Variants in RNF13 observed in about 807,000 individuals in gnomAD.
The protein encoded by RNF13 is E3 ubiquitin-protein ligase RNF13.
A neutral mutation model predicts 37.7 loss-of-function variants in RNF13; 19 were observed. The ratio of observed to expected loss-of-function variants is 0.50; its 90% CI spans 0.35 to 0.74. RNF13 has a LOEUF of 0.74. Ranked by LOEUF, RNF13 falls within the 30% of genes least tolerant of loss-of-function variation. The probability of loss-of-function intolerance (pLI) is 0.01; values close to 1 mark genes in which losing one functional copy is unlikely to be tolerated. For synonymous variants in RNF13, 144 were observed against 157.8 expected, an observed-to-expected ratio of 0.91 and a Z score of 0.65; for missense variants, 375 against 453.0, an observed-to-expected ratio of 0.83 and a Z score of 1.56.
At chr3:149,836,268 C>A (rs912282577) in intron 1 of RNF13, among the ~76,000 whole-genome samples, 1 of 151,670 alleles carries the variant, frequency 6.6e-6, no homozygotes, top group African/African-American at 2.4e-5. Flanking sequence ...CCAAGCAACC[C>A]AATTAAAAAA....
chr3:149,919,964 T>C (rs1033480348), intron 7 of RNF13, among the ~76,000 whole-genome samples: 1 of 152,230 alleles, frequency 6.6e-6, no homozygotes, highest in Non-Finnish European at 1.5e-5. Context: ...TTATAGTATT[T>C]ATGATTTGAA....
intron 8 of RNF13, among the ~76,000 whole-genome samples, chr3:149,957,854 G>A (rs1166181923): frequency 6.6e-6 from 1 of 152,094 alleles, no homozygotes; most frequent in Non-Finnish European, 1.5e-5. Context: ...CTAATAAAAG[G>A]ACCAGGATGG....
chr3:149,905,320 A>G (rs1431315177), intron 6 of RNF13, among the ~76,000 whole-genome samples: 1 of 152,042 alleles, frequency 6.6e-6, no homozygotes, highest in Non-Finnish European at 1.5e-5. Flanking sequence ...TTTCATGTGT[A>G]TTTCTCTTAT....
At chr3:149,949,639 C>CT (rs1721118486) in intron 8 of RNF13, among the ~76,000 whole-genome samples, 1 of 151,516 alleles carries the variant, frequency 6.6e-6, no homozygotes, top group South Asian at 2.1e-4. Context: ...CCCTTTCTTT[C>CT]TTCTCCTTCT....
In RNF13 at chr3:149,824,570, A is replaced by G. The variant is rs190090678; in HGVS notation, c.-17+11217A>G. On this transcript the variant is annotated intron_variant, in intron 1 of 9. Coordinates refer to ENST00000392894, the MANE Select transcript of RNF13 (RefSeq NM_183381.3). ...TTGTTGTATAATGTAAAACATTTTCATTTAAAAACATACATGAATAATATC... is the reference window on the plus strand; with the variant it reads ...TTGTTGTATAATGTAAAACATTTTCGTTTAAAAACATACATGAATAATATC... Among the ~76,000 whole-genome samples the G allele has an allele frequency of 2.6e-5, 4 of 152,350 alleles. No homozygotes were observed. The East Asian group carries it at 7.7e-4, about 29-fold the overall frequency.
chr3:149,851,876 CTTTTG>C (rs993729772), intron 2 of RNF13, among the ~76,000 whole-genome samples: 30 of 152,152 alleles, frequency 2.0e-4, no homozygotes, highest in Admixed American at 3.9e-4. Flanking sequence ...GCACAAAGAA[CTTTTG>C]TTTTGTTTTG....
rs1576591929 is a variant in RNF13 at position 149,950,470 on chromosome 3, AACC to A, written c.701-9585_701-9583del. 3.9e-5 allele frequency among the ~76,000 whole-genome samples: 6 copies of A among 152,184 alleles called. 1 individual carries two copies. In the East Asian group the frequency reaches 1.2e-3, roughly 29 times the overall value. On this transcript the variant is annotated intron_variant, in intron 8 of 9. Coordinates refer to ENST00000392894, the MANE Select transcript of RNF13 (RefSeq NM_183381.3). Reference sequence around the variant, plus strand: ...TTCTATAGTTTTATAATTATATCTGAACCTTTTTTTAAAATTAGGACAGAGCGA... The same window carrying A: ...TTCTATAGTTTTATAATTATATCTGATTTTTTTAAAATTAGGACAGAGCGA...
chr3:149,833,030 C>A (rs1036343050), intron 1 of RNF13, among the ~76,000 whole-genome samples: 4 of 151,626 alleles, frequency 2.6e-5, no homozygotes, highest in Non-Finnish European at 5.9e-5. Flanking sequence ...TTCTAAGGGG[C>A]CAAAATTACC....
At chr3:149,824,985 A>G (rs183406877) in intron 1 of RNF13, among the ~76,000 whole-genome samples, 21 of 151,034 alleles carry the variant, frequency 1.4e-4, no homozygotes, top group Non-Finnish European at 2.8e-4. Flanking sequence ...TTTAAGATAC[A>G]AAGTCTTTCC....
chr3:149,939,943 G>A (rs982987655), intron 8 of RNF13: 1 of 271,948 alleles, frequency 3.7e-6, no homozygotes, highest in Non-Finnish European at 7.1e-6. Context: ...AATATAGCTG[G>A]TCTTATTTTT....
At chr3:149,938,325 A>G (rs1319454154) in intron 8 of RNF13, among the ~76,000 whole-genome samples, 2 of 151,776 alleles carry the variant, frequency 1.3e-5, no homozygotes, top group African/African-American at 2.4e-5. Flanking sequence ...CTATAGGTGC[A>G]GACCACCATG....
At chr3:149,895,450 T>A in intron 4 of RNF13, 23 bp from the exon 5 acceptor site, 1 of 1,138,820 alleles carries the variant, frequency 8.8e-7, no homozygotes, top group Non-Finnish European at 1.2e-6. Flanking sequence ...ACATAATTTT[T>A]TTTTTTTTTT....
chr3:149,832,480 C>T (rs1939692191), intron 1 of RNF13, among the ~76,000 whole-genome samples: 1 of 151,970 alleles, frequency 6.6e-6, no homozygotes. Context: ...TTTCAGTGAC[C>T]AGCATTAGAC....
intron 8 of RNF13, among the ~76,000 whole-genome samples, chr3:149,949,242 C>T (rs558501705): frequency 2.6e-5 from 4 of 152,006 alleles, no homozygotes; most frequent in Non-Finnish European, 4.4e-5. Context: ...GATAAACTCC[C>T]TCAATTTTTA....
chr3:149,958,363 T>G (rs1722062674), intron 8 of RNF13, among the ~76,000 whole-genome samples: 1 of 152,188 alleles, frequency 6.6e-6, no homozygotes, highest in African/African-American at 2.4e-5. Context: ...GTGACCCTTC[T>G]TCCCCCTATC....
intron 1 of RNF13, among the ~76,000 whole-genome samples, chr3:149,820,537 G>A (rs938367027): frequency 2.0e-5 from 3 of 152,082 alleles, no homozygotes; most frequent in Admixed American, 1.3e-4. Context: ...TACTTTATTT[G>A]CATACTTACT....
At chr3:149,866,429 A>G (rs1724827700) in intron 3 of RNF13, among the ~76,000 whole-genome samples, 1 of 152,218 alleles carries the variant, frequency 6.6e-6, no homozygotes, top group Admixed American at 6.5e-5. Context: ...TGTAGCAGTG[A>G]GGAAGACCAG....
At chr3:149,923,220 A>G (rs1342430497) in intron 8 of RNF13, among the ~76,000 whole-genome samples, 1 of 152,162 alleles carries the variant, frequency 6.6e-6, no homozygotes, top group African/African-American at 2.4e-5. Flanking sequence ...AGTGATTTAC[A>G]TTATCATTAT....
chr3:149,841,296 A>T (rs1722154003), intron 1 of RNF13, among the ~76,000 whole-genome samples: 1 of 152,222 alleles, frequency 6.6e-6, no homozygotes, highest in Admixed American at 6.5e-5. Context: ...GATTTAAGTG[A>T]AAACAACAAA....
Sources: allele counts gnomAD v4.1 joint callset (sites outside exome capture counted in the v4.1 genomes callset), GRCh38; gene constraint gnomAD v4.1.1; transcripts MANE v1.5; gene names NCBI Gene and HGNC (gene_info 2026-07-23, HGNC 2026-07-21).